The following HTR2C variants were observed in gnomAD, a reference collection of about 807,000 sequenced individuals.
The protein encoded by HTR2C is 5-hydroxytryptamine receptor 2C, also known as 5-hydroxytryptamine (serotonin) receptor 2C, G protein-coupled.
A neutral mutation model predicts 21.0 loss-of-function variants in HTR2C; 5 were observed. That is an observed-to-expected ratio of 0.24 (90% CI 0.12 to 0.50). The LOEUF (loss-of-function observed/expected upper bound fraction) is 0.50. Among genes scored for constraint, HTR2C ranks in the 20% least tolerant of loss-of-function variants. HTR2C has a pLI of 0.98. For missense variants in HTR2C, 271 were observed against 371.2 expected, an observed-to-expected ratio of 0.73 and a Z score of 2.22; for synonymous variants, 150 against 145.3, an observed-to-expected ratio of 1.03 and a Z score of -0.23.
At chrX:114,709,495 G>T (rs1932859770) in intron 2 of HTR2C, among the ~76,000 whole-genome samples, 1 of 111,999 alleles carries the variant, frequency 8.9e-6, no homozygotes, top group Non-Finnish European at 1.9e-5. Context: ...AAATCACTTT[G>T]TTCCACTGCT....
At chrX:114,866,859 A>T (rs782656778) in intron 5 of HTR2C, among the ~76,000 whole-genome samples, 1 of 111,672 alleles carries the variant, frequency 9.0e-6, no homozygotes, top group South Asian at 3.7e-4. Context: ...GCTGAATAAT[A>T]CTCCATTATG....
At chrX:114,860,384 C>T (rs2070997320) in intron 5 of HTR2C, among the ~76,000 whole-genome samples, 1 of 110,693 alleles carries the variant, frequency 9.0e-6, no homozygotes, top group Non-Finnish European at 1.9e-5. Context: ...TCTCCTAATA[C>T]TTTTTGCCCT....
intron 2 of HTR2C, among the ~76,000 whole-genome samples, chrX:114,709,273 T>C (rs1932856716): frequency 8.9e-6 from 1 of 111,974 alleles, no homozygotes; most frequent in South Asian, 3.7e-4. Flanking sequence ...AGATTGCTAT[T>C]TGAAACCTCC....
rs183597384 is a variant in HTR2C at position 114,672,410 on chromosome X, C to T, written c.-79-54448C>T. On this transcript the variant is annotated intron_variant, in intron 2 of 5. Coordinates refer to ENST00000276198, the MANE Select transcript of HTR2C (RefSeq NM_000868.4). Reference sequence around the variant, plus strand: ...GTCTCAAAAAAAAAATCGTATTTCACACCACTTAGATAAAATCATATAAAT... The same window carrying T: ...GTCTCAAAAAAAAAATCGTATTTCATACCACTTAGATAAAATCATATAAAT... 3.6e-5 allele frequency among the ~76,000 whole-genome samples: 4 copies of T among 110,957 alleles called. No individual in the cohort carries two copies. The East Asian group carries it at 1.1e-3, about 32-fold the overall frequency.
intron 2 of HTR2C, among the ~76,000 whole-genome samples, chrX:114,684,601 T>C (rs1931853784): frequency 9.0e-6 from 1 of 111,434 alleles, no homozygotes; most frequent in South Asian, 3.7e-4. Flanking sequence ...GGGAGATATT[T>C]TTCTAAGGAA....
chrX:114,727,617 G>GC (rs1556422355), intron 3 of HTR2C, among the ~76,000 whole-genome samples: 1 of 111,795 alleles, frequency 8.9e-6, no homozygotes, highest in Non-Finnish European at 1.9e-5. Context: ...ACGAAGCATA[G>GC]AAAAAAATGA....
rs2071383430 is a variant in HTR2C at position 114,907,307 on chromosome X, G to T, written c.1269G>T (p.Val423=). The T allele has an allele frequency of 8.3e-7, 1 of 1,208,880 alleles. No homozygotes were observed. The highest frequency in any genetic ancestry group is 1.8e-5 in the South Asian group (1 of 56,737). Residue 423 remains valine, a synonymous_variant, in exon 6 of 6, where the codon GTG becomes GTT. Transcript: ENST00000276198. ...TTTATCGGCATACCAATGAACCGGT[G>T]ATCGAGAAAGCCAGTGACAATGAGC... ...VNIYRHTNEP[V]IEKASDNEPG...
chrX:114,863,312 A>G (rs2071020496), intron 5 of HTR2C, among the ~76,000 whole-genome samples: 2 of 111,200 alleles, frequency 1.8e-5, no homozygotes, highest in South Asian at 7.5e-4. Context: ...CCCCACCAAC[A>G]GTGTATGAGC....
At chrX:114,670,101 G>C (rs1556411442) in intron 2 of HTR2C, among the ~76,000 whole-genome samples, 1 of 110,866 alleles carries the variant, frequency 9.0e-6, no homozygotes. Context: ...AGCTGGGCAA[G>C]GGCTTACTTG....
At chrX:114,879,604 G>A (rs1046980057) in intron 5 of HTR2C, among the ~76,000 whole-genome samples, 1 of 109,954 alleles carries the variant, frequency 9.1e-6, no homozygotes, top group Non-Finnish European at 1.9e-5. Flanking sequence ...TTCCTCACCC[G>A]CCTCCTATCC....
At chrX:114,631,357 T>C (rs1168812656) in intron 2 of HTR2C, among the ~76,000 whole-genome samples, 2 of 110,321 alleles carry the variant, frequency 1.8e-5, no homozygotes, top group Non-Finnish European at 3.8e-5. Flanking sequence ...TAGAAGATAC[T>C]CAGTAAATAT....
intron 1 of HTR2C, among the ~76,000 whole-genome samples, chrX:114,610,571 A>G (rs782746636): frequency 1.8e-5 from 2 of 111,989 alleles, no homozygotes; most frequent in African/African-American, 6.5e-5. Context: ...GCGAAATTTA[A>G]AAATATTCTG....
At chrX:114,815,188 T>C (rs782094020) in intron 4 of HTR2C, among the ~76,000 whole-genome samples, 2 of 109,621 alleles carry the variant, frequency 1.8e-5, no homozygotes, top group South Asian at 3.8e-4. Flanking sequence ...AGCATCTCTT[T>C]ATTTCAATCT....
At chrX:114,783,176 AACAAG>A (rs1291365232) in intron 4 of HTR2C, among the ~76,000 whole-genome samples, 1 of 111,796 alleles carries the variant, frequency 8.9e-6, no homozygotes, top group African/African-American at 3.2e-5. Context: ...TAAACATAAT[AACAAG>A]ACAAAATGAA....
chrX:114,691,702 T>C (rs1016664549), intron 2 of HTR2C, among the ~76,000 whole-genome samples: 1 of 111,797 alleles, frequency 8.9e-6, no homozygotes, highest in Admixed American at 9.6e-5. Context: ...AGAGACATAG[T>C]TCGGATTCAC....
Position 114,724,741 on chromosome X carries a change from C to T in HTR2C, c.-79-2117C>T, listed in dbSNP as rs782330196. Reference sequence around the variant, plus strand: ...GACAAAGTCTCTCAGCATTTGCTTGCCTGTAAAGTATTTTATTTGTCCTTC... The same window carrying T: ...GACAAAGTCTCTCAGCATTTGCTTGTCTGTAAAGTATTTTATTTGTCCTTC... On this transcript the variant is annotated intron_variant, in intron 2 of 5. Coordinates refer to ENST00000276198, the MANE Select transcript of HTR2C (RefSeq NM_000868.4). Among the ~76,000 whole-genome samples, 122 of 106,849 alleles carry T rather than the reference C, an allele frequency of 1.1e-3. 5 individuals carry two copies. In the South Asian group the frequency reaches 0.052, roughly 46 times the overall value. 92.8% of individuals were successfully genotyped at this position (106,849 alleles called of 115,157 possible).
intron 4 of HTR2C, among the ~76,000 whole-genome samples, chrX:114,802,256 A>G (rs1264247096): frequency 9.0e-6 from 1 of 111,008 alleles, no homozygotes; most frequent in African/African-American, 3.3e-5. Flanking sequence ...TGAAGTTCCA[A>G]ATACAAGATC....
At chrX:114,793,601 ACTTAT>A (rs1556444270) in intron 4 of HTR2C, among the ~76,000 whole-genome samples, 1 of 111,671 alleles carries the variant, frequency 9.0e-6, no homozygotes, top group Non-Finnish European at 1.9e-5. Context: ...GGATTTTCAT[ACTTAT>A]CTTTCTCTTT....
intron 4 of HTR2C, among the ~76,000 whole-genome samples, chrX:114,819,810 T>C (rs2070615958): frequency 8.9e-6 from 1 of 112,339 alleles, no homozygotes; most frequent in South Asian, 3.6e-4. Context: ...ATATCACTTG[T>C]TTTGAGACCA....
Sources: allele counts gnomAD v4.1 joint callset (sites outside exome capture counted in the v4.1 genomes callset), GRCh38; gene constraint gnomAD v4.1.1; transcripts MANE v1.5; gene names NCBI Gene and HGNC (gene_info 2026-07-23, HGNC 2026-07-21).